Variants in MAF observed in about 807,000 individuals in gnomAD.
MAF encodes the protein MAF bZIP transcription factor.
Under a neutral mutation model 22.0 loss-of-function variants are expected in MAF, and 10 were observed. The observed-to-expected ratio is 0.45, with a 90% CI of 0.28 to 0.77. The LOEUF (loss-of-function observed/expected upper bound fraction) is 0.77. Among genes scored for constraint, MAF ranks in the 30% least tolerant of loss-of-function variants. The probability of loss-of-function intolerance (pLI) is 0.12; values close to 1 mark genes in which losing one functional copy is unlikely to be tolerated. For synonymous variants in MAF, 337 were observed against 255.8 expected (o/e 1.32, Z -3.03); for missense variants, 544 against 548.4 (o/e 0.99, Z 0.08).
At chr16:79,323,317 A>AG in the MAF span, among the ~76,000 whole-genome samples, 2 of 151,928 alleles carry the variant, frequency 1.3e-5, no homozygotes, top group African/African-American at 2.4e-5. Flanking sequence ...ATGGTGTCCC[A>AG]GGGGAGAAAA....
chr16:79,393,202 CTGAGTTTGCAGA>C, the MAF span, among the ~76,000 whole-genome samples: 1 of 152,200 alleles, frequency 6.6e-6, no homozygotes, highest in African/African-American at 2.4e-5. Context: ...TTTTGGCAGC[CTGAGTTTGCAGA>C]TGGGAACAAA....
chr16:79,307,583 T>A, the MAF span, among the ~76,000 whole-genome samples: 19 of 152,214 alleles, frequency 1.2e-4, no homozygotes, highest in African/African-American at 4.6e-4. Context: ...TAGAGTTCAC[T>A]GCTACCCTTT....
the MAF span, among the ~76,000 whole-genome samples, chr16:79,233,972 A>G: frequency 1.3e-5 from 2 of 150,262 alleles, no homozygotes; most frequent in Admixed American, 6.6e-5. Context: ...AGTCTGGGCG[A>G]AAGAGTGAGA....
chr16:79,219,442 T>G, the MAF span, among the ~76,000 whole-genome samples: 2 of 150,650 alleles, frequency 1.3e-5, no homozygotes, highest in Admixed American at 6.7e-5. Context: ...TCCCAGCTAC[T>G]CCGGAGGCTG....
At chr16:79,209,224 T>C in the MAF span, among the ~76,000 whole-genome samples, 2 of 152,198 alleles carry the variant, frequency 1.3e-5, no homozygotes, top group African/African-American at 4.8e-5. Context: ...TAATTGCCTT[T>C]AGATTCCGTG....
At chr16:79,331,829 C>G in the MAF span, among the ~76,000 whole-genome samples, 252 of 152,312 alleles carry the variant, frequency 1.7e-3, no homozygotes, top group African/African-American at 5.9e-3. Context: ...CTAGAATGCT[C>G]CTCCTCAGAT....
the MAF span, among the ~76,000 whole-genome samples, chr16:79,418,533 G>A: frequency 1.3e-5 from 2 of 152,106 alleles, no homozygotes; most frequent in African/African-American, 2.4e-5. Flanking sequence ...CGTGGTGAGG[G>A]GGCAAAGGAA....
At chr16:79,478,883 G>A in the MAF span, among the ~76,000 whole-genome samples, 2 of 151,708 alleles carry the variant, frequency 1.3e-5, no homozygotes, top group Non-Finnish European at 2.9e-5. Flanking sequence ...CCATCTTAGT[G>A]CATCTGTGCA....
At chr16:79,499,269 C>G in the MAF span, among the ~76,000 whole-genome samples, 2 of 152,108 alleles carry the variant, frequency 1.3e-5, no homozygotes, top group Non-Finnish European at 1.5e-5. Flanking sequence ...TGGATCTGTT[C>G]CTTTTGGGTC....
At chr16:79,439,823 G>A in the MAF span, among the ~76,000 whole-genome samples, 2 of 152,188 alleles carry the variant, frequency 1.3e-5, no homozygotes, top group South Asian at 2.1e-4. Flanking sequence ...GGATGGAAAC[G>A]ACCGAAACAG....
chr16:79,235,735 C>A, the MAF span, among the ~76,000 whole-genome samples: 4,820 of 151,890 alleles, frequency 0.032, 100 homozygotes, highest in Non-Finnish European at 0.028. Flanking sequence ...GGGCTAAATT[C>A]AAAAAATACC....
At chr16:79,373,158 T>C in the MAF span, among the ~76,000 whole-genome samples, 1 of 152,102 alleles carries the variant, frequency 6.6e-6, no homozygotes, top group Non-Finnish European at 1.5e-5. Context: ...CATCCTTGCC[T>C]TAATAGCACC....
the MAF span, among the ~76,000 whole-genome samples, chr16:79,532,828 C>A: frequency 1.3e-5 from 2 of 152,330 alleles, no homozygotes; most frequent in African/African-American, 2.4e-5. Flanking sequence ...AGCACATGGA[C>A]CTTGTCTCGC....
the MAF span, among the ~76,000 whole-genome samples, chr16:79,329,726 T>A: frequency 1.4e-4 from 22 of 152,162 alleles, no homozygotes; most frequent in Non-Finnish European, 2.2e-4. Flanking sequence ...AAATAAAGCA[T>A]CTTAGAAAAC....
chr16:79,416,667 G>A, the MAF span, among the ~76,000 whole-genome samples: 1 of 152,138 alleles, frequency 6.6e-6, no homozygotes, highest in African/African-American at 2.4e-5. Context: ...CTGGGAGCGC[G>A]GTGCTCCGAA....
chr16:79,254,454 A>G, the MAF span, among the ~76,000 whole-genome samples: 1 of 152,156 alleles, frequency 6.6e-6, no homozygotes, highest in African/African-American at 2.4e-5. Context: ...AATTTTTACC[A>G]TTATCAATAA....
chr16:79,283,805 T>A, the MAF span, among the ~76,000 whole-genome samples: 2 of 152,018 alleles, frequency 1.3e-5, no homozygotes, highest in African/African-American at 4.8e-5. Context: ...TTGCACTACC[T>A]CCAGAGACCT....
chr16:79,334,791 G>C, the MAF span, among the ~76,000 whole-genome samples: 1 of 152,080 alleles, frequency 6.6e-6, no homozygotes, highest in Non-Finnish European at 1.5e-5. Context: ...GAAAGGATCA[G>C]TAGTGAGTTT....
intron 1 of MAF, chr16:79,598,445 CGG>C: frequency 3.0e-6 from 1 of 337,786 alleles, no homozygotes; most frequent in South Asian, 2.4e-5. Context: ...GGGGGTGGGG[CGG>C]GGGGGTGTAA....
Sources: allele counts gnomAD v4.1 joint callset (sites outside exome capture counted in the v4.1 genomes callset), GRCh38; gene constraint gnomAD v4.1.1; transcripts MANE v1.5; gene names NCBI Gene and HGNC (gene_info 2026-07-23, HGNC 2026-07-21).